Variants in RANBP2 observed in about 807,000 individuals in gnomAD.
RANBP2 encodes E3 SUMO-protein ligase RanBP2.
A neutral mutation model predicts 303.6 loss-of-function variants in RANBP2; 57 were observed. The ratio of observed to expected loss-of-function variants is 0.19; its 90% CI spans 0.15 to 0.23. The LOEUF (loss-of-function observed/expected upper bound fraction) is 0.23. RANBP2 is among the 10% of genes least tolerant of loss of function. The pLI is 1.00. For synonymous variants in RANBP2, 1,167 were observed against 1,301.5 expected (o/e 0.90, Z 2.23); for missense variants, 3,138 against 3,780.8 (o/e 0.83, Z 4.46).
At chr2:108,805,396 T>C in the RANBP2 span, among the ~76,000 whole-genome samples, 124 of 152,262 alleles carry the variant, frequency 8.1e-4, 1 homozygote, top group Middle Eastern at 3.4e-3. Context: ...TTCTCATGGT[T>C]ATAAACTGGT....
chr2:109,394,422 G>C, the RANBP2 span, among the ~76,000 whole-genome samples: 53 of 152,278 alleles, frequency 3.5e-4, no homozygotes, highest in Admixed American at 3.2e-3. Flanking sequence ...GTTCCCAAGA[G>C]CATCGGACTA....
At chr2:109,524,503 T>C in the RANBP2 span, among the ~76,000 whole-genome samples, 1 of 141,086 alleles carries the variant, frequency 7.1e-6, no homozygotes, top group South Asian at 2.3e-4. Flanking sequence ...ACGCCTGTAA[T>C]CCCAGCGCTT....
the RANBP2 span, among the ~76,000 whole-genome samples, chr2:109,078,545 A>G: frequency 4.0e-5 from 6 of 149,124 alleles, 1 homozygote; most frequent in Admixed American, 4.0e-4. Flanking sequence ...GATGTTGGTC[A>G]AAGGATATGA....
downstream of RANBP2, chr2:108,785,955 C>G (rs999667311): frequency 2.0e-4 from 30 of 152,114 alleles, no homozygotes; most frequent in African/African-American, 7.2e-4. Context: ...ATGCAGCTGA[C>G]AGTCACAATT....
At chr2:109,285,060 A>G in the RANBP2 span, among the ~76,000 whole-genome samples, 7 of 152,214 alleles carry the variant, frequency 4.6e-5, no homozygotes, top group Non-Finnish European at 1.0e-4. Flanking sequence ...CCGGCCACAC[A>G]GCCCTGTCCT....
At chr2:108,794,646 A>G in the RANBP2 span, 4 of 1,614,156 alleles carry the variant, frequency 2.5e-6, no homozygotes, top group East Asian at 8.9e-5. Flanking sequence ...CTAAAGCATC[A>G]GACAAGCGGA....
rs566843489 is a variant in RANBP2, at chr2:108,757,697, G to GA, written c.2467-715dup. On this transcript the variant is annotated intron_variant, in intron 17 of 28. Transcript: ENST00000283195. Reference sequence around the variant, plus strand: ...CAGTGCAGAAAGAACACACTGAAAGGATGGTCAGTGTAATGTTAGAGGACT... The same window carrying GA: ...CAGTGCAGAAAGAACACACTGAAAGGAATGGTCAGTGTAATGTTAGAGGACT... Among the ~76,000 whole-genome samples, 22 of 152,298 alleles carry GA rather than the reference G, an allele frequency of 1.4e-4. No homozygotes were observed. In the East Asian group the frequency reaches 3.5e-3, roughly 24 times the overall value.
the RANBP2 span, among the ~76,000 whole-genome samples, chr2:109,105,403 CAG>C: frequency 6.6e-6 from 1 of 152,148 alleles, no homozygotes; most frequent in African/African-American, 2.4e-5. Context: ...AGGGAAGAAT[CAG>C]GGGAGAAGCA....
chr2:108,975,949 T>C, the RANBP2 span, among the ~76,000 whole-genome samples: 3 of 152,122 alleles, frequency 2.0e-5, no homozygotes, highest in South Asian at 6.2e-4. Flanking sequence ...CAGTTTTAGA[T>C]TTATAGACAA....
the RANBP2 span, among the ~76,000 whole-genome samples, chr2:109,225,834 C>T: frequency 4.6e-5 from 7 of 152,306 alleles, no homozygotes; most frequent in South Asian, 2.1e-4. Flanking sequence ...AGTGCGATCC[C>T]GGCTCACTGT....
At chr2:108,876,299 CAT>C in the RANBP2 span, 1 of 1,091,192 alleles carries the variant, frequency 9.2e-7, no homozygotes, top group South Asian at 2.3e-5. Flanking sequence ...TATTTATAAA[CAT>C]GTAGAAATTA....
At chr2:108,892,371 C>G in the RANBP2 span, among the ~76,000 whole-genome samples, 2 of 152,182 alleles carry the variant, frequency 1.3e-5, no homozygotes, top group African/African-American at 4.8e-5. Flanking sequence ...CACTCACTTC[C>G]TGGCATCAGC....
the RANBP2 span, among the ~76,000 whole-genome samples, chr2:109,486,585 C>T: frequency 6.6e-6 from 1 of 152,212 alleles, no homozygotes; most frequent in Non-Finnish European, 1.5e-5. Flanking sequence ...CTATAGCTGT[C>T]ATCTCAGCAG....
chr2:108,745,628 A>T (rs535914204), intron 7 of RANBP2, among the ~76,000 whole-genome samples: 1 of 150,172 alleles, frequency 6.7e-6, no homozygotes, highest in African/African-American at 2.5e-5. Flanking sequence ...TTGCATGAGG[A>T]TCTCTTTAAT....
chr2:109,016,155 T>C, the RANBP2 span, among the ~76,000 whole-genome samples: 12 of 152,108 alleles, frequency 7.9e-5, no homozygotes, highest in African/African-American at 1.9e-4. Context: ...GATCTTGGCT[T>C]ACTGCAAGCT....
the RANBP2 span, among the ~76,000 whole-genome samples, chr2:108,933,944 G>A: frequency 6.6e-6 from 1 of 152,152 alleles, no homozygotes; most frequent in Non-Finnish European, 1.5e-5. Flanking sequence ...TCTGTGGATA[G>A]GGCCAGAGGC....
At chr2:109,697,375 C>G in the RANBP2 span, among the ~76,000 whole-genome samples, 1 of 151,862 alleles carries the variant, frequency 6.6e-6, no homozygotes, top group East Asian at 1.9e-4. Flanking sequence ...ATCCCAGCTA[C>G]TTGGCAGGCT....
the RANBP2 span, among the ~76,000 whole-genome samples, chr2:109,196,579 C>T: frequency 6.6e-6 from 1 of 152,190 alleles, no homozygotes; most frequent in Non-Finnish European, 1.5e-5. Flanking sequence ...GGCCCTACAT[C>T]ATGTGGCTGG....
chr2:108,748,986 C>T lies in RANBP2; in HGVS notation c.1130C>T (p.Ala377Val), dbSNP rs747201977. The change falls in exon 9 of 29, where the codon GCC becomes GTC. Residue 377 changes from alanine (A) to valine (V), a missense_variant. Physicochemically the swap from Ala to Val is moderately conservative, Grantham distance 64 (BLOSUM62 0). This residue lies in a region of RANBP2 where 95 missense variants were observed against 86.4 expected (regional missense o/e 1.10). Transcript: ENST00000283195. ...DFLKEIVETF[A>V]NKSGQSALYD... ...TTAAAAGAGATTGTTGAAACTTTTG[C>T]CAACAAAAGCGGGCAGTCTGCATTA... 2 of 1,611,838 alleles carry T rather than the reference C, an allele frequency of 1.2e-6. No individual in the cohort carries two copies. The highest frequency in any genetic ancestry group is 8.5e-7 in the Non-Finnish European group (1 of 1,179,838).
Sources: gnomAD v4.1 joint callset for allele counts (sites outside exome capture counted in the v4.1 genomes callset) on GRCh38, gnomAD v4.1.1 for gene constraint, gnomAD v4.1.1 regional missense constraint, MANE v1.5 for transcripts, NCBI Gene and HGNC (gene_info 2026-07-23, HGNC 2026-07-21) for gene names.